Variants in NUP133 observed in about 807,000 individuals in gnomAD.
NUP133 encodes the protein nucleoporin 133.
Under a neutral mutation model 146.2 loss-of-function variants are expected in NUP133, and 66 were observed. That is an observed-to-expected ratio of 0.45 (90% confidence interval 0.37 to 0.55). The LOEUF is 0.55. Among genes scored for constraint, NUP133 ranks in the 20% least tolerant of loss-of-function variants. The probability of loss-of-function intolerance (pLI) is 0.00; values close to 1 mark genes in which losing one functional copy is unlikely to be tolerated. For missense variants in NUP133, 1,277 were observed against 1,374.8 expected (o/e 0.93, Z 1.12); for synonymous variants, 521 against 498.8 (o/e 1.04, Z -0.59).
Position 229,486,392 on chromosome 1 carries a change from T to C in NUP133, c.1479A>G (p.Ser493=), listed in dbSNP as rs767659987. Residue 493 remains serine (S), a synonymous_variant, in exon 11 of 26, where the codon TCA becomes TCG. Coordinates refer to ENST00000261396, the MANE Select transcript of NUP133 (RefSeq NM_018230.3). ...TTACCTCACTGTTTGGTCCAGCAAC[T>C]GAAGATGCTAAAGACCCTTCCAAGT... ...AEDLEGSLAS[S]VAGPNSESMI... 4 of 1,589,886 alleles carry C rather than the reference T, an allele frequency of 2.5e-6. No individual in the cohort carries two copies. The highest frequency in any genetic ancestry group is 1.9e-5 in the Admixed American group (1 of 52,886).
chr1:229,465,635 T>A, intron 16 of NUP133, 116 bp from the exon 17 acceptor site: 1 of 772,700 alleles, frequency 1.3e-6, no homozygotes, highest in South Asian at 1.5e-5. Flanking sequence ...GGGCCAGGAA[T>A]GTTGGCTCAC....
Position 229,477,733 on chromosome 1 carries a change from C to T in NUP133, c.1620G>A (p.Val540=), listed in dbSNP as rs146187457. ...CRKDLGHAQM[V]VDELFSSHSD... ...AGTGAGAGGAAAAGAGCTCATCAAC[C>T]ACCATTTGAGCATGACCTAAATCTT... Residue 540 remains valine, a synonymous_variant, in exon 13 of 26, where the codon GTG becomes GTA. Transcript: ENST00000261396. 96 of 1,613,492 alleles carry T rather than the reference C, an allele frequency of 5.9e-5. No individual in the cohort carries two copies. In the East Asian group the frequency reaches 1.4e-3, roughly 23 times the overall value.
chr1:229,487,479 G>C lies in NUP133; in HGVS notation c.1329C>G (p.Val443=), dbSNP rs143882571. ...GKFSLPQEKI[V]FNAQGDSVLG... Reference sequence around the variant, plus strand: ...CTGCTACTGTACCTTGTGCATTAAAGACAATTTTCTCCTGGGGAAGAGAAA... The same window carrying C: ...CTGCTACTGTACCTTGTGCATTAAACACAATTTTCTCCTGGGGAAGAGAAA... The change falls in exon 10 of 26, where the codon GTC becomes GTG. Residue 443 remains valine (V), a synonymous_variant. Transcript: ENST00000261396. 1 of 1,613,190 alleles carries C rather than the reference G, an allele frequency of 6.2e-7. No homozygotes were observed. The highest frequency in any genetic ancestry group is 8.5e-7 in the Non-Finnish European group (1 of 1,179,818).
intron 21 of NUP133, among the ~76,000 whole-genome samples, chr1:229,453,182 G>C (rs1199587845): frequency 2.1e-5 from 3 of 141,458 alleles, no homozygotes; most frequent in African/African-American, 9.4e-5. Context: ...TCCTGTTCTA[G>C]CCTCCCAAAG....
intron 24 of NUP133, 200 bp downstream of exon 24, chr1:229,448,926 T>C: frequency 1.8e-6 from 1 of 569,884 alleles, no homozygotes; most frequent in Non-Finnish European, 3.1e-6. Context: ...CCTGTGGTTG[T>C]AGATTGTATC....
chr1:229,449,851 T>TTTA (rs1660401232), intron 23 of NUP133, among the ~76,000 whole-genome samples: 1 of 67,624 alleles, frequency 1.5e-5, no homozygotes, highest in South Asian at 5.2e-4. Flanking sequence ...TATGAAGATT[T>TTTA]TATATATATA....
At chr1:229,487,365 T>C in intron 10 of NUP133, 101 bp downstream of exon 10, 1 of 1,181,672 alleles carries the variant, frequency 8.5e-7, no homozygotes, top group South Asian at 1.4e-5. Flanking sequence ...CAGAAACATT[T>C]GAAAGCAGCA....
At chr1:229,502,278 A>G (rs1190391680) in intron 2 of NUP133, among the ~76,000 whole-genome samples, 176 bp from the exon 3 acceptor site, 2 of 152,128 alleles carry the variant, frequency 1.3e-5, no homozygotes, top group Admixed American at 6.5e-5. Context: ...CTGATAACCA[A>G]CTTTAGAAAT....
intron 2 of NUP133, among the ~76,000 whole-genome samples, chr1:229,502,824 C>T (rs1661839538): frequency 6.7e-6 from 1 of 149,436 alleles, no homozygotes; most frequent in Non-Finnish European, 1.5e-5. Context: ...AATAGCCAGG[C>T]TTGGCAGTGC....
At chr1:229,463,944 G>A (rs920639711) in intron 18 of NUP133, among the ~76,000 whole-genome samples, 6 of 152,016 alleles carry the variant, frequency 3.9e-5, no homozygotes, top group Non-Finnish European at 7.4e-5. Flanking sequence ...TCAGGAGTTC[G>A]AGTCCCGCCA....
At chr1:229,448,774 T>TG in intron 24 of NUP133, 1 of 277,802 alleles carries the variant, frequency 3.6e-6, no homozygotes, top group Non-Finnish European at 6.8e-6. Context: ...TTTCCTGAGT[T>TG]CTATGAGCTG....
chr1:229,487,717 C>A, intron 9 of NUP133, 104 bp from the exon 10 acceptor site: 1 of 896,386 alleles, frequency 1.1e-6, no homozygotes, highest in Non-Finnish European at 1.7e-6. Flanking sequence ...AATATTTCAC[C>A]AATTCTCTTT....
intron 24 of NUP133, among the ~76,000 whole-genome samples, chr1:229,446,612 T>C (rs908665156): frequency 6.6e-5 from 10 of 151,794 alleles, no homozygotes; most frequent in Admixed American, 4.6e-4. Context: ...CAGGCACCTG[T>C]AGTCCCAACT....
chr1:229,507,887 T>C, intron 1 of NUP133, 181 bp downstream of exon 1: 1 of 983,928 alleles, frequency 1.0e-6, no homozygotes, highest in African/African-American at 1.7e-5. Flanking sequence ...AATCAACTGA[T>C]CAACTGATAA....
rs140085858 is a variant in NUP133, at chr1:229,441,991, C to T, written c.3384G>A (p.Ala1128=). The T allele has an allele frequency of 8.4e-5, 134 of 1,589,886 alleles. No homozygotes were observed. In the African/African-American group the frequency reaches 1.6e-3, roughly 19 times the overall value. Residue 1128 remains alanine (A), a synonymous_variant, in exon 26 of 26, where the codon GCG becomes GCA. Transcript: ENST00000261396. ...YLPEVKDLLQ[A]DQLGSLKSNP... ...TGGACTTTAAGCTTCCAAGCTGATC[C>T]GCTTGTAGCAGGTCTTTCACCTCCG... is the stretch of plus-strand genomic sequence containing the variant.
intron 2 of NUP133, among the ~76,000 whole-genome samples, chr1:229,505,136 A>G (rs1661901430): frequency 6.6e-6 from 1 of 152,234 alleles, no homozygotes; most frequent in Non-Finnish European, 1.5e-5. Flanking sequence ...GGGAAGCCAA[A>G]AGATTGGACA....
chr1:229,508,160 C>T lies in NUP133; in HGVS notation c.90G>A (p.Arg30=). 1.3e-6 allele frequency: 2 copies of T among 1,595,208 alleles called. No homozygotes were observed. Among genetic ancestry groups the T allele is most frequent in the South Asian group, 2.2e-5 (2 of 89,184 alleles). ...LAGLGPGSTP[R]TASRKGLPLG... is the part of the protein sequence containing the mutation. The stretch of plus-strand genomic sequence containing the variant: ...GGGGCAGACCCTTCCTGCTAGCCGT[C>T]CGGGGCGTGGAGCCGGGCCCGAGTC... Residue 30 remains arginine (R), a synonymous_variant, in exon 1 of 26, where the codon CGG becomes CGA. Transcript: ENST00000261396.
chr1:229,504,107 G>A (rs950371835), intron 2 of NUP133, among the ~76,000 whole-genome samples: 1 of 151,922 alleles, frequency 6.6e-6, no homozygotes, highest in African/African-American at 2.4e-5. Flanking sequence ...CAGTTGATGA[G>A]ATATATTCCT....
At chr1:229,507,924 G>T in intron 1 of NUP133, 144 bp downstream of exon 1, 1 of 1,261,724 alleles carries the variant, frequency 7.9e-7, no homozygotes, top group Non-Finnish European at 1.0e-6. Context: ...ACTACCTGCA[G>T]CAGTGGAAAA....
Sources: allele counts gnomAD v4.1 joint callset (sites outside exome capture counted in the v4.1 genomes callset), GRCh38; gene constraint gnomAD v4.1.1; transcripts MANE v1.5; gene names NCBI Gene and HGNC (gene_info 2026-07-23, HGNC 2026-07-21).